Variants in PLEKHM3 observed in about 807,000 individuals in gnomAD.
PLEKHM3 encodes the protein pleckstrin homology domain containing M3.
A neutral mutation model predicts 81.8 loss-of-function variants in PLEKHM3; 45 were observed. The observed-to-expected ratio is 0.55, with a 90% CI of 0.43 to 0.71. PLEKHM3 has a LOEUF of 0.71. Among genes scored for constraint, PLEKHM3 ranks in the 30% least tolerant of loss-of-function variants. PLEKHM3 has a pLI of 0.00. For synonymous variants in PLEKHM3, 352 were observed against 356.4 expected, an observed-to-expected ratio of 0.99 and a Z score of 0.14; for missense variants, 788 against 924.3, an observed-to-expected ratio of 0.85 and a Z score of 1.91.
At chr2:207,993,459 T>C (rs894790296) in intron 2 of PLEKHM3, among the ~76,000 whole-genome samples, 1 of 151,198 alleles carries the variant, frequency 6.6e-6, no homozygotes, top group East Asian at 1.9e-4. Flanking sequence ...AGAAACATCA[T>C]AATTGAAAAA....
chr2:207,850,239 G>A (rs141765253), intron 7 of PLEKHM3, among the ~76,000 whole-genome samples: 5 of 152,290 alleles, frequency 3.3e-5, no homozygotes, highest in Non-Finnish European at 7.3e-5. Context: ...CCAAGCTTCA[G>A]CAAGATTTTC....
At chr2:207,906,083 C>T (rs948557486) in intron 6 of PLEKHM3, among the ~76,000 whole-genome samples, 10 of 152,322 alleles carry the variant, frequency 6.6e-5, no homozygotes, top group African/African-American at 2.4e-4. Flanking sequence ...TCAAAACTCA[C>T]GTTTGAAAGG....
intron 1 of PLEKHM3, among the ~76,000 whole-genome samples, chr2:208,024,415 T>C (rs887867355): frequency 1.3e-5 from 2 of 152,148 alleles, no homozygotes; most frequent in Non-Finnish European, 1.5e-5. Context: ...TCTATGTATA[T>C]CTATCTATTG....
At chr2:207,932,467 T>A (rs1470800760) in intron 4 of PLEKHM3, among the ~76,000 whole-genome samples, 2 of 152,078 alleles carry the variant, frequency 1.3e-5, no homozygotes, top group Non-Finnish European at 2.9e-5. Context: ...GGAGCAAGGT[T>A]AGAATTCAAC....
chr2:207,828,479 G>T lies in PLEKHM3; in HGVS notation c.2126C>A (p.Ala709Asp), dbSNP rs1488348428. The T allele has an allele frequency of 2.1e-5, 34 of 1,613,760 alleles. No individual in the cohort carries two copies. Among genetic ancestry groups the T allele is most frequent in the Non-Finnish European group, 2.9e-5 (34 of 1,179,944 alleles). The change falls in exon 8 of 8, where the codon GCC (alanine) becomes GAC (aspartate). Residue 709 changes from alanine (A) to aspartate (D), a missense_variant. Physicochemically the swap from Ala to Asp is moderately radical, Grantham distance 126 (BLOSUM62 -2). Coordinates refer to ENST00000427836, the MANE Select transcript of PLEKHM3 (RefSeq NM_001080475.3). ...TTCTTTGCATTCAGAATGGAAAACG[G>T]CTCCACAGCTTTCACACCTGCAAAA... ...ISTSRCESCG[A>D]VFHSECKEKS...
chr2:207,936,643 T>G (rs1342827786), intron 4 of PLEKHM3, among the ~76,000 whole-genome samples: 1 of 152,070 alleles, frequency 6.6e-6, no homozygotes, highest in African/African-American at 2.4e-5. Context: ...CGACCCTAAT[T>G]GAGGGCAACT....
chr2:207,942,083 T>C (rs1689956428), intron 4 of PLEKHM3, among the ~76,000 whole-genome samples: 1 of 152,148 alleles, frequency 6.6e-6, no homozygotes, highest in Non-Finnish European at 1.5e-5. Context: ...AAACTAAAAA[T>C]AGAACTAACA....
chr2:207,983,388 C>T (rs921537924), intron 2 of PLEKHM3, among the ~76,000 whole-genome samples: 1 of 152,058 alleles, frequency 6.6e-6, no homozygotes, highest in African/African-American at 2.4e-5. Context: ...GATTAGCACA[C>T]CTAACCCAAG....
chr2:207,910,085 A>G (rs1688763902), intron 5 of PLEKHM3, among the ~76,000 whole-genome samples: 1 of 152,210 alleles, frequency 6.6e-6, no homozygotes, highest in Non-Finnish European at 1.5e-5. Flanking sequence ...TGTTTCACCC[A>G]CAGGAATGAG....
intron 1 of PLEKHM3, among the ~76,000 whole-genome samples, chr2:208,016,666 A>ACACACACACACAC (rs1468410522): frequency 8.8e-5 from 3 of 34,054 alleles, no homozygotes; most frequent in African/African-American, 1.6e-4. Context: ...AAAAAAAAAA[A>ACACACACACACAC]AAATACACAC....
At chr2:207,910,024 G>A (rs1310619903) in intron 5 of PLEKHM3, among the ~76,000 whole-genome samples, 1 of 152,156 alleles carries the variant, frequency 6.6e-6, no homozygotes, top group Non-Finnish European at 1.5e-5. Flanking sequence ...TTCTAGTAAG[G>A]ACCTCTCCCG....
In PLEKHM3 at chr2:208,001,952, G is replaced by C. The variant is rs927657195; in HGVS notation, c.-313C>G. ...TCAAAGCAATGCCACGCCAATCCTT[G>C]ATTTCCTGGAAGAAAATAAACAGGA... On this transcript the variant is annotated 5_prime_UTR_variant, in exon 2 of 8. The change creates a new upstream start codon in the 5' untranslated region. Coordinates refer to ENST00000427836, the MANE Select transcript of PLEKHM3 (RefSeq NM_001080475.3). 11 of 327,730 alleles carry C rather than the reference G, an allele frequency of 3.4e-5. No homozygotes were observed. Among genetic ancestry groups the C allele is most frequent in the African/African-American group, 1.5e-4 (7 of 47,466 alleles). The allele number at this position is 327,730 out of a possible 1,614,324, so 20.3% of individuals were successfully genotyped here.
intron 6 of PLEKHM3, among the ~76,000 whole-genome samples, chr2:207,895,714 A>T (rs1387421877): frequency 6.6e-6 from 1 of 152,224 alleles, no homozygotes; most frequent in African/African-American, 2.4e-5. Flanking sequence ...TGCCCGTTTT[A>T]GGAGGAAACC....
intron 4 of PLEKHM3, among the ~76,000 whole-genome samples, chr2:207,946,145 T>G (rs981412113): frequency 2.0e-5 from 3 of 152,210 alleles, no homozygotes; most frequent in Admixed American, 6.5e-5. Flanking sequence ...AAGTAAAAAC[T>G]GCTCTATATG....
intron 5 of PLEKHM3, among the ~76,000 whole-genome samples, chr2:207,912,990 A>G (rs570644209): frequency 7.9e-5 from 12 of 152,300 alleles, no homozygotes; most frequent in Non-Finnish European, 1.8e-4. Flanking sequence ...GGTGATTCCA[A>G]GGGCTTTCCT....
intron 3 of PLEKHM3, among the ~76,000 whole-genome samples, chr2:207,950,574 C>CG (rs1419644805): frequency 6.6e-6 from 1 of 152,134 alleles, no homozygotes; most frequent in East Asian, 1.9e-4. Context: ...CATCCTCCCC[C>CG]TCCCATCCTA....
chr2:207,957,205 G>C (rs1020182440), intron 3 of PLEKHM3, among the ~76,000 whole-genome samples: 4 of 152,170 alleles, frequency 2.6e-5, no homozygotes, highest in Non-Finnish European at 5.9e-5. Flanking sequence ...TGAGCTACCA[G>C]ATCTACTGAT....
At chr2:207,968,148 ATAG>A (rs1690982940) in intron 3 of PLEKHM3, among the ~76,000 whole-genome samples, 1 of 151,964 alleles carries the variant, frequency 6.6e-6, no homozygotes, top group Admixed American at 6.5e-5. Context: ...TAAGTGCTAT[ATAG>A]CACAGACCTG....
intron 7 of PLEKHM3, among the ~76,000 whole-genome samples, chr2:207,834,038 T>C (rs2092303362): frequency 6.6e-6 from 1 of 152,242 alleles, no homozygotes; most frequent in Non-Finnish European, 1.5e-5. Context: ...TAAATGGAAA[T>C]CATTTAGAAT....
Sources: allele counts gnomAD v4.1 joint callset (sites outside exome capture counted in the v4.1 genomes callset), GRCh38; gene constraint gnomAD v4.1.1; transcripts MANE v1.5; gene names NCBI Gene and HGNC (gene_info 2026-07-23, HGNC 2026-07-21).